Variants in MPP7 observed in about 807,000 individuals in gnomAD.
MPP7 encodes MAGUK p55 scaffold protein 7.
A neutral mutation model predicts 76.5 loss-of-function variants in MPP7; 60 were observed. That is an observed-to-expected ratio of 0.78 (90% CI 0.64 to 0.97). The LOEUF is 0.97. MPP7 is among the 50% of genes least tolerant of loss of function. MPP7 has a pLI of 0.00. For synonymous variants in MPP7, 237 were observed against 244.5 expected, an observed-to-expected ratio of 0.97 and a Z score of 0.29; for missense variants, 641 against 694.0, an observed-to-expected ratio of 0.92 and a Z score of 0.86.
At chr10:28,063,372 G>C (rs1851869199) in intron 13 of MPP7, among the ~76,000 whole-genome samples, 1 of 151,040 alleles carries the variant, frequency 6.6e-6, no homozygotes, top group Non-Finnish European at 1.5e-5. Flanking sequence ...TGAGGTGGGA[G>C]AATCACTTGA....
intron 1 of MPP7, among the ~76,000 whole-genome samples, chr10:28,258,783 T>C (rs938933335): frequency 6.6e-6 from 1 of 152,122 alleles, no homozygotes; most frequent in Non-Finnish European, 1.5e-5. Context: ...AAAGAACATT[T>C]ACTGAGCAAC....
intron 1 of MPP7, among the ~76,000 whole-genome samples, chr10:28,263,043 G>A (rs575866173): frequency 2.0e-5 from 3 of 152,086 alleles, no homozygotes; most frequent in South Asian, 2.1e-4. Context: ...GCAACAGAGC[G>A]AGACTCCGTT....
chr10:28,113,345 T>C (rs554821447), intron 11 of MPP7, among the ~76,000 whole-genome samples: 62 of 152,284 alleles, frequency 4.1e-4, no homozygotes, highest in Non-Finnish European at 6.9e-4. Flanking sequence ...CTCTCCTCTC[T>C]GGGATCTGTG....
At chr10:28,257,194 A>G (rs1839812774) in intron 1 of MPP7, among the ~76,000 whole-genome samples, 2 of 152,186 alleles carry the variant, frequency 1.3e-5, no homozygotes, top group African/African-American at 4.8e-5. Context: ...ATTAAAAAGC[A>G]ACAAGCGCAA....
rs1479109739 is a variant in MPP7, at chr10:28,262,218, TATATATAC to T, written c.-131-23491_-131-23484del. Among the ~76,000 whole-genome samples, 203 of 56,310 alleles carry T rather than the reference TATATATAC, an allele frequency of 3.6e-3. 11 individuals are homozygous for T. The highest frequency in any genetic ancestry group is 0.017 in the African/African-American group (185 of 10,794). 36.9% of individuals were successfully genotyped at this position (56,310 alleles called of 152,430 possible). A position where few individuals can be genotyped will look rare whatever the true frequency, so the allele number is the denominator to read the frequency against. ...ATATATATATATATACATATATATATATATATACATATATATATATATATACATATATA... is the reference window on the plus strand; with the variant it reads ...ATATATATATATATACATATATATATATATATATATATATATACATATATA... On this transcript the variant is annotated intron_variant, in intron 1 of 16. Transcript: ENST00000683449.
chr10:28,072,096 A>G lies in MPP7; in HGVS notation c.1124-2244T>C, dbSNP rs571879382. On this transcript the variant is annotated intron_variant, in intron 12 of 16. Coordinates refer to ENST00000683449, the MANE Select transcript of MPP7 (RefSeq NM_001318170.2). Reference sequence around the variant, plus strand: ...TGAGACCAACCTGGCCAACATGGTCAAACCTTGTCTCTACTAAAAATACAA... The same window carrying G: ...TGAGACCAACCTGGCCAACATGGTCGAACCTTGTCTCTACTAAAAATACAA... Among the ~76,000 whole-genome samples, 114 of 152,246 alleles carry G rather than the reference A, an allele frequency of 7.5e-4. 1 individual carries two copies. The highest frequency in any genetic ancestry group is 2.9e-4 in the Non-Finnish European group (20 of 68,014).
chr10:28,238,456 G>T, intron 2 of MPP7, 112 bp downstream of exon 2: 1 of 1,147,694 alleles, frequency 8.7e-7, no homozygotes, highest in Non-Finnish European at 1.3e-6. Flanking sequence ...TAGTGTTGGT[G>T]ACAGAAAAAC....
intron 11 of MPP7, among the ~76,000 whole-genome samples, chr10:28,104,962 T>C (rs538296354): frequency 1.0e-3 from 158 of 152,082 alleles, no homozygotes; most frequent in Non-Finnish European, 2.1e-3. Flanking sequence ...CCCTTTGCCA[T>C]ACTCAAGGAT....
At chr10:28,071,107 C>T (rs1168155084) in intron 12 of MPP7, among the ~76,000 whole-genome samples, 1 of 152,214 alleles carries the variant, frequency 6.6e-6, no homozygotes, top group Non-Finnish European at 1.5e-5. Flanking sequence ...TGTTCCTTTT[C>T]CTTCTTGGGC....
At chr10:28,136,091 A>G (rs1835346103) in intron 5 of MPP7, among the ~76,000 whole-genome samples, 1 of 151,966 alleles carries the variant, frequency 6.6e-6, no homozygotes, top group East Asian at 1.9e-4. Context: ...TCTAGGTTGC[A>G]TGCTTCTTAT....
intron 2 of MPP7, chr10:28,236,731 G>A (rs985190866): frequency 6.6e-6 from 1 of 152,174 alleles, no homozygotes; most frequent in Non-Finnish European, 1.5e-5. Flanking sequence ...CTAGGCTGCT[G>A]TGAGTCGGGT....
chr10:28,200,988 A>C (rs572852889), intron 3 of MPP7, among the ~76,000 whole-genome samples: 2 of 152,332 alleles, frequency 1.3e-5, no homozygotes, highest in African/African-American at 4.8e-5. Flanking sequence ...AAATATTTTT[A>C]TGATTGTATT....
chr10:28,330,857 C>T (rs1834464502), intron 1 of MPP7, among the ~76,000 whole-genome samples: 1 of 152,040 alleles, frequency 6.6e-6, no homozygotes, highest in Admixed American at 6.6e-5. Context: ...TTGAGGGTCT[C>T]CCCATGTTGC....
intron 1 of MPP7, among the ~76,000 whole-genome samples, chr10:28,294,479 G>A (rs1840995767): frequency 6.6e-6 from 1 of 152,100 alleles, no homozygotes; most frequent in South Asian, 2.1e-4. Context: ...TCCAACATAC[G>A]GTGATTAAAG....
chr10:28,165,612 GCAGC>G (rs1836425073), intron 3 of MPP7, among the ~76,000 whole-genome samples: 1 of 151,656 alleles, frequency 6.6e-6, no homozygotes, highest in Non-Finnish European at 1.5e-5. Flanking sequence ...TATTTTAAAG[GCAGC>G]CATGATAAGT....
Position 28,238,595 on chromosome 10 carries a change from A to G in MPP7, c.10T>C (p.Leu4=). The G allele has an allele frequency of 6.2e-7, 1 of 1,614,170 alleles. No individual in the cohort carries two copies. Among genetic ancestry groups the G allele is most frequent in the Non-Finnish European group, 8.5e-7 (1 of 1,180,004 alleles). ...GTGTCACTCCCAGATCCCGTTGACA[A>G]AGCTGGCATGATGCAAGGTGTAGGA... The part of the protein sequence containing the change: MPA[L]STGSGSDTGL... Residue 4 remains leucine, a synonymous_variant, in exon 2 of 17, where the codon TTG becomes CTG. Transcript: ENST00000683449.
At chr10:28,121,103 G>T (rs1834822056) in intron 8 of MPP7, among the ~76,000 whole-genome samples, 4 of 152,026 alleles carry the variant, frequency 2.6e-5, no homozygotes, top group Admixed American at 2.6e-4. Flanking sequence ...AAGCCCAGGA[G>T]TTCAAGACCA....
chr10:28,202,589 A>T (rs1423992014), intron 2 of MPP7, among the ~76,000 whole-genome samples: 1 of 152,220 alleles, frequency 6.6e-6, no homozygotes, highest in African/African-American at 2.4e-5. Context: ...TCCTTTCCTT[A>T]ATCATTATTA....
Position 28,059,669 on chromosome 10 carries a change from T to A in MPP7, c.1279A>T (p.Thr427Ser). 1 of 1,613,058 alleles carries A rather than the reference T, an allele frequency of 6.2e-7. No individual in the cohort carries two copies. ...YIFISKHLFETDVQNNKFIEY... is the reference protein window; with the variant it reads ...YIFISKHLFESDVQNNKFIEY... ...ACATACTTGTTATTTTGTACATCTG[T>A]CTCAAACAAATGCTTGGAAATGAAA... The change falls in exon 14 of 17, where the codon ACA becomes TCA. Residue 427 changes from threonine to serine, a missense_variant. By Grantham distance (58) the Thr-to-Ser change is moderately conservative (BLOSUM62 1). Transcript: ENST00000683449.
Sources: allele counts gnomAD v4.1 joint callset (sites outside exome capture counted in the v4.1 genomes callset), GRCh38; gene constraint gnomAD v4.1.1; transcripts MANE v1.5; gene names NCBI Gene and HGNC (gene_info 2026-07-23, HGNC 2026-07-21).